POU1F1: variants seen among roughly 807,000 people sequenced by gnomAD.
POU1F1 encodes the protein POU class 1 homeobox 1.
Under a neutral mutation model 32.3 loss-of-function variants are expected in POU1F1, and 23 were observed. That is an observed-to-expected ratio of 0.71 (90% confidence interval 0.51 to 1.01). POU1F1 has a LOEUF of 1.01. Ranked by LOEUF, POU1F1 falls within the 50% of genes least tolerant of loss-of-function variation. The pLI is 0.00. For missense variants in POU1F1, 323 were observed against 341.6 expected (o/e 0.95, Z 0.43); for synonymous variants, 120 against 115.6 (o/e 1.04, Z -0.25).
intron 1 of POU1F1, 137 bp from the exon 2 acceptor site, chr3:87,273,555 T>A: frequency 2.1e-6 from 3 of 1,451,672 alleles, no homozygotes; most frequent in Non-Finnish European, 2.8e-6. Flanking sequence ...AAATACACAT[T>A]TATGTGGTTC....
intron 3 of POU1F1, among the ~76,000 whole-genome samples, chr3:87,262,589 T>C (rs578222447): frequency 2.6e-5 from 4 of 152,052 alleles, no homozygotes; most frequent in African/African-American, 2.4e-5. Flanking sequence ...TATCAAATAA[T>C]ATATGCTCAA....
At chr3:87,262,638 G>T (rs891451317) in intron 3 of POU1F1, among the ~76,000 whole-genome samples, 1 of 151,352 alleles carries the variant, frequency 6.6e-6, no homozygotes, top group African/African-American at 2.4e-5. Context: ...TAAAATATAC[G>T]GTTATATATC....
Position 87,259,908 on chromosome 3 carries a change from G to C in POU1F1, c.862C>G (p.Leu288Val). 6.2e-7 allele frequency: 1 copy of C among 1,613,668 alleles called. No homozygotes were observed. Among genetic ancestry groups the C allele is most frequent in the Non-Finnish European group, 8.5e-7 (1 of 1,179,590 alleles). ...ATAGAAAAATCTTATCTGCACTCAA[G>C]ATGTTCCTTAGAAATAGAAAATAAA... Reference protein sequence around the residue: ...QSLFSISKEHLECR With the variant: ...QSLFSISKEHVECR The change falls in exon 6 of 6, where the codon CTT (leucine) becomes GTT (valine). Residue 288 changes from leucine to valine, a missense_variant. Coordinates refer to ENST00000350375, the MANE Select transcript of POU1F1 (RefSeq NM_000306.4).
intron 2 of POU1F1, among the ~76,000 whole-genome samples, chr3:87,264,962 A>G (rs1485792582): frequency 6.6e-6 from 1 of 152,130 alleles, no homozygotes; most frequent in Non-Finnish European, 1.5e-5. Flanking sequence ...GCTTCGGCTA[A>G]GTGCTATGCT....
chr3:87,262,373 T>A, intron 3 of POU1F1, 138 bp from the exon 4 acceptor site: 1 of 910,230 alleles, frequency 1.1e-6, no homozygotes, highest in Non-Finnish European at 1.7e-6. Flanking sequence ...AAATCAGAAT[T>A]ATTTAGTAAG....
At chr3:87,271,902 T>C (rs773741125) in intron 2 of POU1F1, among the ~76,000 whole-genome samples, 3 of 152,184 alleles carry the variant, frequency 2.0e-5, no homozygotes, top group Non-Finnish European at 1.5e-5. Context: ...GAATGTTGCT[T>C]GATAGAATGT....
At chr3:87,265,487 C>T (rs549149338) in intron 2 of POU1F1, among the ~76,000 whole-genome samples, 7 of 152,074 alleles carry the variant, frequency 4.6e-5, no homozygotes, top group African/African-American at 1.7e-4. Context: ...CAAATTCCAA[C>T]ACATTTTGTT....
chr3:87,272,589 C>G (rs1026778117), intron 2 of POU1F1, among the ~76,000 whole-genome samples: 1 of 152,124 alleles, frequency 6.6e-6, no homozygotes, highest in Admixed American at 6.6e-5. Flanking sequence ...CTACGCATTC[C>G]TCAAAAACTG....
At chr3:87,275,712 T>G (rs1031854688) in intron 1 of POU1F1, among the ~76,000 whole-genome samples, 2 of 152,110 alleles carry the variant, frequency 1.3e-5, no homozygotes, top group Non-Finnish European at 2.9e-5. Flanking sequence ...GTGAAGTAAG[T>G]CTCTTCAGAA....
At chr3:87,268,084 CTTTT>C (rs11387958) in intron 2 of POU1F1, among the ~76,000 whole-genome samples, 8 of 116,464 alleles carry the variant, frequency 6.9e-5, no homozygotes, top group Non-Finnish European at 1.4e-4. Context: ...TTCCCTTTCC[CTTTT>C]TTTTTTTTTT....
intron 2 of POU1F1, among the ~76,000 whole-genome samples, chr3:87,268,685 CA>C (rs1706672139): frequency 6.6e-6 from 1 of 152,102 alleles, no homozygotes; most frequent in Admixed American, 6.6e-5. Context: ...GAGGTCTCAT[CA>C]ACATTTTCTG....
At chr3:87,273,128 C>T (rs1002142744) in intron 2 of POU1F1, among the ~76,000 whole-genome samples, 1 of 151,946 alleles carries the variant, frequency 6.6e-6, no homozygotes, top group Non-Finnish European at 1.5e-5. Context: ...TCAAGAAGCA[C>T]AGCAGTTCAG....
chr3:87,264,335 T>G lies in POU1F1; in HGVS notation c.392A>C (p.Glu131Ala), dbSNP rs1307464669. The G allele has an allele frequency of 3.1e-6, 5 of 1,613,916 alleles. No homozygotes were observed. The highest frequency in any genetic ancestry group is 4.2e-6 in the Non-Finnish European group (5 of 1,179,884). ...PIDMDSPEIRELEKFANEFKV... is the reference protein window; with the variant it reads ...PIDMDSPEIRALEKFANEFKV... The stretch of plus-strand genomic sequence containing the variant: ...AAATTCATTGGCAAACTTTTCAAGT[T>G]CTCTGATTTCTGGAGAATCCATGTC... Residue 131 changes from glutamate to alanine, a missense_variant, in exon 3 of 6, where the codon GAA becomes GCA. By Grantham distance (107) the Glu-to-Ala change is moderately radical. Transcript: ENST00000350375.
chr3:87,273,831 T>C (rs1285794455), intron 1 of POU1F1, among the ~76,000 whole-genome samples: 1 of 152,160 alleles, frequency 6.6e-6, no homozygotes, highest in Non-Finnish European at 1.5e-5. Context: ...ACTAGAAGAA[T>C]AGTCCTTTAA....
chr3:87,263,578 C>A (rs1011295698), intron 3 of POU1F1, among the ~76,000 whole-genome samples: 1 of 152,056 alleles, frequency 6.6e-6, no homozygotes, highest in African/African-American at 2.4e-5. Context: ...ATCAAAATTA[C>A]CAGTACACAT....
intron 1 of POU1F1, 118 bp downstream of exon 1, chr3:87,276,203 A>C: frequency 7.5e-7 from 1 of 1,324,758 alleles, no homozygotes; most frequent in South Asian, 1.2e-5. Flanking sequence ...ACTTAAGACA[A>C]ATTAAATTGG....
intron 4 of POU1F1, among the ~76,000 whole-genome samples, chr3:87,261,562 T>C (rs1454331763): frequency 6.6e-6 from 1 of 152,188 alleles, no homozygotes; most frequent in East Asian, 1.9e-4. Context: ...ATATCCTCAC[T>C]TTACTTTTGT....
chr3:87,274,545 T>G (rs1293511140), intron 1 of POU1F1, among the ~76,000 whole-genome samples: 1 of 151,586 alleles, frequency 6.6e-6, no homozygotes, highest in Non-Finnish European at 1.5e-5. Context: ...AATCTTTAAT[T>G]TTTAAAAATC....
At chr3:87,273,227 T>C in intron 2 of POU1F1, 120 bp downstream of exon 2, 1 of 1,105,228 alleles carries the variant, frequency 9.0e-7, no homozygotes, top group Non-Finnish European at 1.3e-6. Flanking sequence ...TTTTTAACAG[T>C]AATTTTCAAA....
Sources: allele counts gnomAD v4.1 joint callset (sites outside exome capture counted in the v4.1 genomes callset), GRCh38; gene constraint gnomAD v4.1.1; transcripts MANE v1.5; gene names NCBI Gene and HGNC (gene_info 2026-07-23, HGNC 2026-07-21).